Variants in ENOX1 observed in about 807,000 individuals in gnomAD.
The protein encoded by ENOX1 is ecto-NOX disulfide-thiol exchanger 1.
In ENOX1, 42 loss-of-function variants were observed where a neutral mutation model predicts 82.5. That is an observed-to-expected ratio of 0.51 (90% CI 0.40 to 0.66). The LOEUF (loss-of-function observed/expected upper bound fraction) is 0.66, where lower values mean the gene tolerates loss of function less well. Ranked by LOEUF, ENOX1 falls within the 30% of genes least tolerant of loss-of-function variation. The pLI, the probability that ENOX1 is intolerant of heterozygous loss-of-function variation, is 0.00. For missense variants in ENOX1, 608 were observed against 811.6 expected (o/e 0.75, Z 3.05); for synonymous variants, 271 against 282.2 (o/e 0.96, Z 0.40).
chr13:43,505,971 G>C (rs1358857276), intron 2 of ENOX1, among the ~76,000 whole-genome samples: 1 of 151,910 alleles, frequency 6.6e-6, no homozygotes, highest in Non-Finnish European at 1.5e-5. Flanking sequence ...TCTACATATG[G>C]CTAGCCAGTT....
intron 2 of ENOX1, among the ~76,000 whole-genome samples, chr13:43,608,416 T>A (rs142173408): frequency 6.6e-6 from 1 of 152,340 alleles, no homozygotes; most frequent in East Asian, 1.9e-4. Flanking sequence ...GCCAATCCAA[T>A]GAAAAGATGA....
At chr13:43,703,574 T>C (rs7995406) in intron 1 of ENOX1, among the ~76,000 whole-genome samples, 14,339 of 152,196 alleles carry the variant, frequency 0.094, 1,102 homozygotes, top group East Asian at 0.26. Context: ...CTTTGTTCTA[T>C]AGAATATCTC....
chr13:43,336,219 A>C (rs1260505315), intron 9 of ENOX1, among the ~76,000 whole-genome samples: 1 of 152,208 alleles, frequency 6.6e-6, no homozygotes, highest in Non-Finnish European at 1.5e-5. Context: ...GAAGTAAATG[A>C]TTTCAGAAAG....
At chr13:43,387,697 C>T (rs960449118) in intron 5 of ENOX1, among the ~76,000 whole-genome samples, 1 of 151,910 alleles carries the variant, frequency 6.6e-6, no homozygotes, top group Admixed American at 6.6e-5. Flanking sequence ...CACATGCACA[C>T]ACACACATAT....
chr13:43,311,175 A>C (rs1275843977), intron 11 of ENOX1, among the ~76,000 whole-genome samples: 1 of 151,972 alleles, frequency 6.6e-6, no homozygotes, highest in Non-Finnish European at 1.5e-5. Flanking sequence ...ACCCCTGCCA[A>C]CCTCAAAGAG....
intron 1 of ENOX1, among the ~76,000 whole-genome samples, chr13:43,731,103 T>G (rs2089314356): frequency 6.6e-6 from 1 of 152,256 alleles, no homozygotes; most frequent in Non-Finnish European, 1.5e-5. Context: ...GAGAAACCAG[T>G]AATGACAAGC....
At chr13:43,538,294 A>G (rs2078556071) in intron 2 of ENOX1, among the ~76,000 whole-genome samples, 1 of 152,218 alleles carries the variant, frequency 6.6e-6, no homozygotes, top group Non-Finnish European at 1.5e-5. Flanking sequence ...GTGGAATGGT[A>G]TGTCACAGGT....
intron 3 of ENOX1, among the ~76,000 whole-genome samples, chr13:43,451,577 T>C (rs2056966881): frequency 6.6e-6 from 1 of 152,200 alleles, no homozygotes; most frequent in Non-Finnish European, 1.5e-5. Flanking sequence ...GATTATTTTA[T>C]CATAGCCTTC....
intron 1 of ENOX1, among the ~76,000 whole-genome samples, chr13:43,679,158 T>A (rs1194847811): frequency 6.6e-6 from 1 of 152,196 alleles, no homozygotes; most frequent in Non-Finnish European, 1.5e-5. Flanking sequence ...GACTCAGTTA[T>A]CAACATGAAC....
At chr13:43,441,682 G>C (rs564382692) in intron 3 of ENOX1, among the ~76,000 whole-genome samples, 10 of 147,984 alleles carry the variant, frequency 6.8e-5, no homozygotes, top group South Asian at 2.1e-4. Flanking sequence ...CTGCGGGTCT[G>C]CTGGTAATCA....
intron 2 of ENOX1, among the ~76,000 whole-genome samples, chr13:43,583,261 T>C (rs575742140): frequency 6.6e-6 from 1 of 152,288 alleles, no homozygotes; most frequent in South Asian, 2.1e-4. Flanking sequence ...AATTAAATAT[T>C]GACAAATAGA....
chr13:43,335,938 A>G (rs924951573), intron 9 of ENOX1, among the ~76,000 whole-genome samples: 2 of 152,152 alleles, frequency 1.3e-5, no homozygotes, highest in African/African-American at 4.8e-5. Context: ...CTGAGACCAA[A>G]GAGGTATTTT....
chr13:43,676,424 T>C (rs1440205954), intron 1 of ENOX1, among the ~76,000 whole-genome samples: 1 of 152,158 alleles, frequency 6.6e-6, no homozygotes, highest in South Asian at 2.1e-4. Context: ...TACACTTTCA[T>C]TTTTCATCTA....
intron 10 of ENOX1, among the ~76,000 whole-genome samples, chr13:43,324,419 T>C (rs2047992391): frequency 1.3e-5 from 2 of 152,278 alleles, no homozygotes; most frequent in East Asian, 3.9e-4. Context: ...AAATCACTAG[T>C]ACACTCTAAT....
intron 5 of ENOX1, among the ~76,000 whole-genome samples, chr13:43,376,341 G>A (rs1275751053): frequency 2.6e-5 from 4 of 152,180 alleles, no homozygotes; most frequent in Non-Finnish European, 5.9e-5. Flanking sequence ...TATGAAGTGT[G>A]TATTATGGGA....
chr13:43,654,899 C>T (rs577609624), intron 2 of ENOX1, among the ~76,000 whole-genome samples: 1 of 152,316 alleles, frequency 6.6e-6, no homozygotes, highest in African/African-American at 2.4e-5. Flanking sequence ...AAGCAAGTAT[C>T]CACTTAAATT....
At chr13:43,388,287 T>C (rs940911192) in intron 5 of ENOX1, among the ~76,000 whole-genome samples, 4 of 152,164 alleles carry the variant, frequency 2.6e-5, no homozygotes, top group African/African-American at 9.7e-5. Flanking sequence ...TAGGGAAAGA[T>C]ACCCAACGAG....
intron 12 of ENOX1, among the ~76,000 whole-genome samples, chr13:43,278,183 T>C (rs1363335696): frequency 1.3e-5 from 2 of 152,222 alleles, no homozygotes; most frequent in African/African-American, 2.4e-5. Flanking sequence ...ATAATATGTA[T>C]GTAATCTTCA....
chr13:43,682,657 T>C (rs1332720681), intron 1 of ENOX1, among the ~76,000 whole-genome samples: 1 of 151,348 alleles, frequency 6.6e-6, no homozygotes, highest in Non-Finnish European at 1.5e-5. Context: ...TCAGAAAGAG[T>C]TGAGCCAAGA....
Sources: gnomAD v4.1 joint callset for allele counts (sites outside exome capture counted in the v4.1 genomes callset) on GRCh38, gnomAD v4.1.1 for gene constraint, MANE v1.5 for transcripts, NCBI Gene and HGNC (gene_info 2026-07-23, HGNC 2026-07-21) for gene names.